Variants in THSD7B observed in about 807,000 individuals in gnomAD.
THSD7B encodes the protein thrombospondin type-1 domain-containing protein 7B.
In THSD7B, 138 loss-of-function variants were observed where a neutral mutation model predicts 213.6. The ratio of observed to expected loss-of-function variants is 0.65; its 90% CI spans 0.56 to 0.74. The LOEUF is 0.74. THSD7B is among the 30% of genes least tolerant of loss of function. THSD7B has a pLI of 0.00. For missense variants in THSD7B, 1,931 were observed against 1,991.5 expected (o/e 0.97, Z 0.58); for synonymous variants, 742 against 687.0 (o/e 1.08, Z -1.25).
At chr2:137,401,196 T>C (rs918914943) in intron 12 of THSD7B, among the ~76,000 whole-genome samples, 1 of 152,198 alleles carries the variant, frequency 6.6e-6, no homozygotes, top group Non-Finnish European at 1.5e-5. Context: ...ATAATTAATA[T>C]GTTTTTAAAC....
chr2:137,610,636 T>C (rs1233802253), intron 17 of THSD7B, among the ~76,000 whole-genome samples: 1 of 152,158 alleles, frequency 6.6e-6, no homozygotes, highest in African/African-American at 2.4e-5. Context: ...CTTTTGCTTC[T>C]TCTCTAGTTA....
chr2:137,370,590 T>C (rs1301182641), intron 12 of THSD7B, among the ~76,000 whole-genome samples: 2 of 152,146 alleles, frequency 1.3e-5, no homozygotes, highest in Non-Finnish European at 2.9e-5. Context: ...TGTCTCAGCC[T>C]CCCGAGTAAC....
At chr2:137,162,294 A>G (rs1680034243) in intron 6 of THSD7B, among the ~76,000 whole-genome samples, 2 of 152,222 alleles carry the variant, frequency 1.3e-5, no homozygotes, top group South Asian at 2.1e-4. Flanking sequence ...AAGGTAGTAC[A>G]TAAAGCAGAA....
chr2:137,067,471 A>G (rs1218727226), intron 3 of THSD7B, among the ~76,000 whole-genome samples: 1 of 151,922 alleles, frequency 6.6e-6, no homozygotes, highest in Non-Finnish European at 1.5e-5. Flanking sequence ...ACTTCTTTCT[A>G]AATAAGGTCT....
rs537535367 is a variant in THSD7B at position 136,875,337 on chromosome 2, G to A, written c.-35-6807G>A. Reference sequence around the variant, plus strand: ...CTCGGGAGGCTGAGACACGAGAATTGCTTGAACCTGGGAGGAGGAGGCTAC... The same window carrying A: ...CTCGGGAGGCTGAGACACGAGAATTACTTGAACCTGGGAGGAGGAGGCTAC... On this transcript the variant is annotated intron_variant, in intron 1 of 27. Transcript: ENST00000409968. 9.8e-5 allele frequency among the ~76,000 whole-genome samples: 15 copies of A among 152,298 alleles called. No individual in the cohort carries two copies. In the East Asian group the frequency reaches 2.7e-3, roughly 27 times the overall value.
At position 137,074,395 on chromosome 2, in the gene THSD7B, C is replaced by T. The variant is rs758790772; in HGVS notation, c.950+17165C>T. ...GGTTTAAAGTCTGTTTTATCCGAGA[C>T]TAGGATTGCAACCCCTGCCTTTTTT... On this transcript the variant is annotated intron_variant, in intron 3 of 27. Coordinates refer to ENST00000409968, the MANE Select transcript of THSD7B (RefSeq NM_001316349.2). Among the ~76,000 whole-genome samples the T allele has an allele frequency of 1.6e-4, 25 of 152,220 alleles. 3 individuals carry two copies. The Middle Eastern group carries it at 0.048, about 292-fold the overall frequency.
chr2:137,443,623 A>G (rs1317588844), intron 14 of THSD7B, among the ~76,000 whole-genome samples: 1 of 151,938 alleles, frequency 6.6e-6, no homozygotes, highest in East Asian at 1.9e-4. Context: ...ATTTTTTTCT[A>G]CTTGATAGTG....
rs1196697673 is a variant in THSD7B, at chr2:136,882,211, C to G, written c.33C>G (p.Cys11Trp). ...CAAAGAGCAACCTAACAGTCACTTGCTGGGTATGGAGGAGCATGAGGAAGC... is the reference window on the plus strand; with the variant it reads ...CAAAGAGCAACCTAACAGTCACTTGGTGGGTATGGAGGAGCATGAGGAAGC... MFPKSNLTVT[C>W]WVWRSMRKLF... The change falls in exon 2 of 28, where the codon TGC becomes TGG. Residue 11 changes from cysteine to tryptophan, a missense_variant. Coordinates refer to ENST00000409968, the MANE Select transcript of THSD7B (RefSeq NM_001316349.2). 7.1e-6 allele frequency: 11 copies of G among 1,538,828 alleles called. No homozygotes were observed. Among genetic ancestry groups the G allele is most frequent in the Middle Eastern group, 1.7e-4 (1 of 5,954 alleles).
At chr2:137,220,427 A>G (rs985679188) in intron 7 of THSD7B, among the ~76,000 whole-genome samples, 1 of 152,242 alleles carries the variant, frequency 6.6e-6, no homozygotes, top group Non-Finnish European at 1.5e-5. Flanking sequence ...ACATGAAAAG[A>G]TGCATCATTA....
At chr2:136,939,871 A>G (rs1248029814) in intron 2 of THSD7B, among the ~76,000 whole-genome samples, 1 of 151,022 alleles carries the variant, frequency 6.6e-6, no homozygotes, top group Non-Finnish European at 1.5e-5. Context: ...CCCTACCACC[A>G]CCCCCCGACA....
intron 1 of THSD7B, among the ~76,000 whole-genome samples, chr2:136,851,637 T>C (rs950406860): frequency 3.3e-5 from 5 of 152,182 alleles, no homozygotes; most frequent in African/African-American, 1.2e-4. Flanking sequence ...TCTATTTGCC[T>C]CTACTGTTTT....
chr2:137,616,861 A>C (rs761686659), intron 18 of THSD7B, among the ~76,000 whole-genome samples: 1 of 152,124 alleles, frequency 6.6e-6, no homozygotes, highest in Non-Finnish European at 1.5e-5. Context: ...AGTGTCTAAA[A>C]CCAGAGGACT....
chr2:137,308,113 T>C (rs1243778534), intron 12 of THSD7B, among the ~76,000 whole-genome samples: 2 of 152,078 alleles, frequency 1.3e-5, no homozygotes, highest in Admixed American at 1.3e-4. Context: ...TTCCTCCAGG[T>C]GTTAAAGTAA....
chr2:136,948,412 C>A (rs1022180212), intron 2 of THSD7B, among the ~76,000 whole-genome samples: 1 of 148,794 alleles, frequency 6.7e-6, no homozygotes, highest in Non-Finnish European at 1.5e-5. Flanking sequence ...GAATGACACC[C>A]CATCCCCCAT....
intron 12 of THSD7B, among the ~76,000 whole-genome samples, chr2:137,381,337 C>T (rs1351721275): frequency 6.6e-6 from 1 of 152,194 alleles, no homozygotes; most frequent in East Asian, 1.9e-4. Context: ...CATTTTTGAC[C>T]ACGCTATGAG....
intron 7 of THSD7B, among the ~76,000 whole-genome samples, chr2:137,213,465 AGTT>A (rs1681167060): frequency 2.0e-5 from 3 of 148,056 alleles, no homozygotes; most frequent in Non-Finnish European, 3.0e-5. Flanking sequence ...TGTCATATTA[AGTT>A]TATATTAGGT....
chr2:137,349,494 T>A (rs1022756411), intron 12 of THSD7B, among the ~76,000 whole-genome samples: 1 of 151,854 alleles, frequency 6.6e-6, no homozygotes, highest in Non-Finnish European at 1.5e-5. Context: ...TAGCTATAGA[T>A]TTGTAATATT....
intron 12 of THSD7B, among the ~76,000 whole-genome samples, chr2:137,281,419 T>C (rs1683009789): frequency 6.6e-6 from 1 of 151,978 alleles, no homozygotes; most frequent in Non-Finnish European, 1.5e-5. Flanking sequence ...TTTATTATTA[T>C]TATTATACTT....
intron 14 of THSD7B, among the ~76,000 whole-genome samples, chr2:137,422,538 C>T (rs947177896): frequency 3.3e-5 from 5 of 152,096 alleles, no homozygotes; most frequent in East Asian, 1.9e-4. Flanking sequence ...TTGGGAATAG[C>T]GGTTCATTTG....
Sources: allele counts gnomAD v4.1 joint callset (sites outside exome capture counted in the v4.1 genomes callset), GRCh38; gene constraint gnomAD v4.1.1; transcripts MANE v1.5; gene names NCBI Gene and HGNC (gene_info 2026-07-23, HGNC 2026-07-21).